Variants in CAMTA1 observed in about 807,000 individuals in gnomAD.
The protein encoded by CAMTA1 is calmodulin-binding transcription activator 1.
In CAMTA1, 27 loss-of-function variants were observed where a neutral mutation model predicts 170.9. The observed-to-expected ratio is 0.16, with a 90% CI of 0.12 to 0.22. The LOEUF (loss-of-function observed/expected upper bound fraction) is 0.22, where lower values mean the gene tolerates loss of function less well. CAMTA1 is among the 10% of genes least tolerant of loss of function. The pLI is 1.00. For missense variants in CAMTA1, 1,619 were observed against 2,217.2 expected, an observed-to-expected ratio of 0.73 and a Z score of 5.42; for synonymous variants, 833 against 891.5, an observed-to-expected ratio of 0.93 and a Z score of 1.17.
intron 4 of CAMTA1, among the ~76,000 whole-genome samples, chr1:7,192,066 G>A (rs945302117): frequency 4.6e-5 from 7 of 152,156 alleles, no homozygotes; most frequent in African/African-American, 1.7e-4. Flanking sequence ...CTTTTGCTAG[G>A]AGCTATTGGA....
intron 7 of CAMTA1, among the ~76,000 whole-genome samples, chr1:7,651,272 CCACAGCCCTCCAGAAAAGGA>C (rs1409388360): frequency 1.3e-5 from 2 of 152,152 alleles, no homozygotes; most frequent in Non-Finnish European, 2.9e-5. Flanking sequence ...ACAGGGCCCC[CCACAGCCCTCCAGAAAAGGA>C]CACTGCCCCT....
chr1:6,983,210 T>G (rs11120807), intron 3 of CAMTA1, among the ~76,000 whole-genome samples: 2 of 152,074 alleles, frequency 1.3e-5, no homozygotes, highest in South Asian at 4.2e-4. Flanking sequence ...GAACCTTACA[T>G]TCCTGGAAAC....
chr1:7,744,949 A>G lies in CAMTA1; in HGVS notation c.4297A>G (p.Ile1433Val), dbSNP rs1237517374. 2 of 1,614,180 alleles carry G rather than the reference A, an allele frequency of 1.2e-6. No homozygotes were observed. Among genetic ancestry groups the G allele is most frequent in the South Asian group, 2.2e-5 (2 of 91,080 alleles). ...ATTGGAAAGAACAGACCCTGCCACC[A>G]TTAGCAGTACAATGAGCTGGCTGGC... Reference protein sequence around the residue: ...SGLERTDPATISSTMSWLASY... With the variant: ...SGLERTDPATVSSTMSWLASY... Residue 1433 changes from isoleucine (I) to valine (V), a missense_variant, in exon 17 of 23, where the codon ATT becomes GTT. By Grantham distance (29) the Ile-to-Val change is conservative. Transcript: ENST00000303635.
chr1:7,637,531 G>A (rs573086430), intron 6 of CAMTA1, among the ~76,000 whole-genome samples: 10 of 152,288 alleles, frequency 6.6e-5, no homozygotes, highest in Admixed American at 1.3e-4. Context: ...TCTCTCCGCC[G>A]TTACCCCCTC....
rs140494906 is a variant in CAMTA1 at position 7,578,854 on chromosome 1, C to T, written c.511-61546C>T. ...GGGGGCACAGCCCTTGTGACCCAGT[C>T]ACTTCCTATTAAGTCCCCCAAAACT... On this transcript the variant is annotated intron_variant, in intron 6 of 22. Coordinates refer to ENST00000303635, the MANE Select transcript of CAMTA1 (RefSeq NM_015215.4). Among the ~76,000 whole-genome samples, 761 of 152,290 alleles carry T rather than the reference C, an allele frequency of 5.0e-3. 10 individuals are homozygous for T. The South Asian group carries it at 0.054, about 11-fold the overall frequency.
At chr1:7,052,295 A>G (rs1403109323) in intron 3 of CAMTA1, among the ~76,000 whole-genome samples, 1 of 151,354 alleles carries the variant, frequency 6.6e-6, no homozygotes, top group African/African-American at 2.4e-5. Flanking sequence ...CTCCGACGAC[A>G]CCTTGGTTTC....
intron 5 of CAMTA1, among the ~76,000 whole-genome samples, chr1:7,342,317 C>G (rs1438706726): frequency 6.6e-6 from 1 of 152,104 alleles, no homozygotes; most frequent in Non-Finnish European, 1.5e-5. Context: ...AGAGGCAGTC[C>G]CCCTCCACCC....
chr1:6,925,264 C>G (rs1003005585), intron 3 of CAMTA1, among the ~76,000 whole-genome samples: 5 of 152,272 alleles, frequency 3.3e-5, no homozygotes, highest in Admixed American at 1.3e-4. Flanking sequence ...TCCCACATTT[C>G]TTGATGGGCC....
chr1:7,245,710 G>T (rs572088858), intron 4 of CAMTA1, among the ~76,000 whole-genome samples: 23 of 152,240 alleles, frequency 1.5e-4, no homozygotes, highest in African/African-American at 5.5e-4. Flanking sequence ...CTGCACGGCT[G>T]CAGTGGAGGT....
chr1:7,472,827 C>T (rs911603803), intron 6 of CAMTA1, among the ~76,000 whole-genome samples: 1 of 152,198 alleles, frequency 6.6e-6, no homozygotes, highest in Non-Finnish European at 1.5e-5. Context: ...CCACAGCAGC[C>T]TCTGTGGCTG....
chr1:7,583,041 A>G (rs867992797), intron 6 of CAMTA1, among the ~76,000 whole-genome samples: 9 of 152,002 alleles, frequency 5.9e-5, no homozygotes, highest in Non-Finnish European at 8.8e-5. Context: ...AGAACCTTCC[A>G]GTGGCCATCA....
At position 7,766,836 on chromosome 1, in the gene CAMTA1, T is replaced by A. The variant is rs966633050; in HGVS notation, c.*345T>A. 7.3e-6 allele frequency: 2 copies of A among 273,100 alleles called. No homozygotes were observed. The highest frequency in any genetic ancestry group is 1.4e-5 in the Non-Finnish European group (2 of 142,090). 16.9% of individuals were successfully genotyped at this position (273,100 alleles called of 1,614,324 possible). A position where few individuals can be genotyped will look rare whatever the true frequency, so the allele number is the denominator to read the frequency against. On this transcript the variant is annotated 3_prime_UTR_variant, in exon 23 of 23. Transcript: ENST00000303635. ...AAGCCATTTCCTTCTCATATAGGGC[T>A]GTATTCAAACATCGTGTGGAACTGT... is the stretch of plus-strand genomic sequence containing the variant.
chr1:6,951,317 A>C (rs553708428), intron 3 of CAMTA1, among the ~76,000 whole-genome samples: 1 of 152,284 alleles, frequency 6.6e-6, no homozygotes, highest in African/African-American at 2.4e-5. Flanking sequence ...ACATTTGTGT[A>C]AAGTGACTTT....
intron 3 of CAMTA1, among the ~76,000 whole-genome samples, chr1:6,933,448 T>A (rs764697207): frequency 1.3e-5 from 2 of 152,016 alleles, no homozygotes; most frequent in Non-Finnish European, 2.9e-5. Flanking sequence ...CTAGTAGAGG[T>A]GGGGTTTCAC....
intron 7 of CAMTA1, among the ~76,000 whole-genome samples, chr1:7,645,415 G>A (rs932306364): frequency 6.6e-6 from 1 of 152,368 alleles, no homozygotes; most frequent in East Asian, 1.9e-4. Context: ...GGGATGGCAC[G>A]CCAGGCATTT....
At chr1:7,645,459 G>C (rs939811708) in intron 7 of CAMTA1, among the ~76,000 whole-genome samples, 3 of 152,256 alleles carry the variant, frequency 2.0e-5, no homozygotes, top group Admixed American at 6.5e-5. Context: ...GTTCCATCCG[G>C]AGTGAGTGGC....
At chr1:7,388,490 G>A (rs532920696) in intron 5 of CAMTA1, 17 of 152,426 alleles carry the variant, frequency 1.1e-4, no homozygotes, top group Admixed American at 8.5e-4. Flanking sequence ...GATTTCAAAC[G>A]TCCCTGTGAA....
At chr1:7,086,034 A>G (rs1366979031) in intron 3 of CAMTA1, among the ~76,000 whole-genome samples, 5 of 152,138 alleles carry the variant, frequency 3.3e-5, no homozygotes, top group Non-Finnish European at 5.9e-5. Flanking sequence ...GTATCTGCTG[A>G]ACAGATACAG....
chr1:7,116,090 C>A (rs1354411875), intron 4 of CAMTA1, among the ~76,000 whole-genome samples: 2 of 152,148 alleles, frequency 1.3e-5, no homozygotes, highest in African/African-American at 4.8e-5. Context: ...AACCCTCATG[C>A]CCTCCTGAGT....
Sources: gnomAD v4.1 joint callset for allele counts (sites outside exome capture counted in the v4.1 genomes callset) on GRCh38, gnomAD v4.1.1 for gene constraint, MANE v1.5 for transcripts, NCBI Gene and HGNC (gene_info 2026-07-23, HGNC 2026-07-21) for gene names.